MYO3A: variants seen among roughly 807,000 people sequenced by gnomAD.
MYO3A encodes myosin IIIA.
Under a neutral mutation model 192.7 loss-of-function variants are expected in MYO3A, and 180 were observed. The ratio of observed to expected loss-of-function variants is 0.93; its 90% CI spans 0.83 to 1.06. MYO3A has a LOEUF of 1.06. MYO3A is among the 50% of genes least tolerant of loss of function. The pLI is 0.00. For synonymous variants in MYO3A, 628 were observed against 645.3 expected (o/e 0.97, Z 0.41); for missense variants, 1,896 against 1,905.0 (o/e 1.00, Z 0.09).
chr10:26,099,739 C>A (rs1255872628), intron 17 of MYO3A, among the ~76,000 whole-genome samples: 3 of 152,134 alleles, frequency 2.0e-5, no homozygotes, highest in African/African-American at 7.2e-5. Context: ...GTTGAACCAG[C>A]CTTGCATCCC....
rs527563672 is a variant in MYO3A at position 25,954,799 on chromosome 10, G to C, written c.169-75G>C. On this transcript the variant is annotated intron_variant, in intron 3 of 34. Coordinates refer to ENST00000642920, the MANE Select transcript of MYO3A (RefSeq NM_017433.5). ...TTGACATAATGAAATTCTGTATTTG[G>C]TATTCTATAATCTGTTTCTTTGACA... 127 of 1,440,530 alleles carry C rather than the reference G, an allele frequency of 8.8e-5. No individual in the cohort carries two copies. The African/African-American group carries it at 1.7e-3, about 19-fold the overall frequency. The allele number at this position is 1,440,530 out of a possible 1,614,324, so 89.2% of individuals were successfully genotyped here.
chr10:26,033,177 G>A (rs561875754), intron 10 of MYO3A, among the ~76,000 whole-genome samples: 79 of 152,186 alleles, frequency 5.2e-4, no homozygotes, highest in African/African-American at 1.9e-3. Flanking sequence ...GGGTTCCAGC[G>A]ATTCTCCTGC....
At chr10:25,990,315 A>C (rs529193012) in intron 4 of MYO3A, among the ~76,000 whole-genome samples, 4 of 152,092 alleles carry the variant, frequency 2.6e-5, no homozygotes, top group African/African-American at 9.6e-5. Context: ...GTATCCTGAA[A>C]TTTTTTCAAA....
At chr10:26,209,311 T>A (rs1246246000) in intron 34 of MYO3A, among the ~76,000 whole-genome samples, 2 of 152,220 alleles carry the variant, frequency 1.3e-5, no homozygotes, top group African/African-American at 4.8e-5. Flanking sequence ...TGAATGTTTG[T>A]TCTCTTTACG....
At chr10:25,975,635 A>T (rs1031696388) in intron 4 of MYO3A, among the ~76,000 whole-genome samples, 1 of 152,212 alleles carries the variant, frequency 6.6e-6, no homozygotes, top group Non-Finnish European at 1.5e-5. Flanking sequence ...ATTGAGTCTG[A>T]CATTCCACAT....
chr10:26,135,964 C>T (rs1239545715), intron 20 of MYO3A, among the ~76,000 whole-genome samples: 1 of 88,858 alleles, frequency 1.1e-5, no homozygotes, highest in African/African-American at 4.4e-5. Flanking sequence ...AAAACTCCAT[C>T]TCAAAAAAAA....
At chr10:26,139,199 A>G (rs531161883) in intron 20 of MYO3A, among the ~76,000 whole-genome samples, 24 of 152,336 alleles carry the variant, frequency 1.6e-4, no homozygotes, top group African/African-American at 5.8e-4. Context: ...AAATGCAAAT[A>G]CAATAGGCTA....
intron 4 of MYO3A, among the ~76,000 whole-genome samples, chr10:25,957,232 G>A (rs1837611209): frequency 6.6e-6 from 1 of 152,086 alleles, no homozygotes; most frequent in Admixed American, 6.6e-5. Context: ...TGAATCGTGG[G>A]GGCAGGTCTT....
Position 26,070,251 on chromosome 10 carries a change from T to G in MYO3A, c.1275+36T>G, listed in dbSNP as rs3758441. ...TCTCCCATTCTTAGAAATTTACCTC[T>G]TAGTTACTTAAATGTCACTTAATTT... On this transcript the variant is annotated intron_variant, in intron 13 of 34. Transcript: ENST00000642920. The G allele has an allele frequency of 0.52, 834,297 of 1,595,066 alleles. 223,363 individuals are homozygous for G. The highest frequency in any genetic ancestry group is 0.56 in the Middle Eastern group (3,364 of 6,020).
chr10:26,175,930 G>A (rs565194458), intron 30 of MYO3A, among the ~76,000 whole-genome samples: 5 of 152,208 alleles, frequency 3.3e-5, no homozygotes, highest in South Asian at 4.1e-4. Context: ...GCCAGGATGC[G>A]GACACGATAG....
At chr10:25,936,927 G>T (rs975299432) in intron 2 of MYO3A, among the ~76,000 whole-genome samples, 2 of 151,984 alleles carry the variant, frequency 1.3e-5, no homozygotes, top group Non-Finnish European at 2.9e-5. Flanking sequence ...CATTTTTCCT[G>T]ATATCTGAGG....
At chr10:26,036,907 C>G (rs375793845) in intron 10 of MYO3A, among the ~76,000 whole-genome samples, 1 of 152,188 alleles carries the variant, frequency 6.6e-6, no homozygotes, top group Non-Finnish European at 1.5e-5. Flanking sequence ...TTTGAGAAAC[C>G]TTTCCCAGAA....
intron 14 of MYO3A, among the ~76,000 whole-genome samples, chr10:26,084,985 A>C (rs144041497): frequency 1.6e-3 from 249 of 152,154 alleles, no homozygotes; most frequent in African/African-American, 5.9e-3. Context: ...TTTCTGACTC[A>C]ATTTTGGTAG....
intron 2 of MYO3A, among the ~76,000 whole-genome samples, chr10:25,941,972 C>A (rs1239767891): frequency 2.0e-5 from 3 of 150,176 alleles, no homozygotes; most frequent in Middle Eastern, 3.4e-3. Flanking sequence ...AATAATATTT[C>A]TTTTCTTTTC....
At chr10:26,150,390 T>G (rs1305449595) in intron 23 of MYO3A, among the ~76,000 whole-genome samples, 1 of 152,206 alleles carries the variant, frequency 6.6e-6, no homozygotes, top group African/African-American at 2.4e-5. Context: ...TTTTCAGGAA[T>G]AGTAGAATGA....
chr10:25,959,692 A>C (rs1287144404), intron 4 of MYO3A, among the ~76,000 whole-genome samples: 1 of 151,764 alleles, frequency 6.6e-6, no homozygotes. Context: ...TTGGCTCATC[A>C]TGTAGTAATT....
At position 26,029,683 on chromosome 10, in the gene MYO3A, T is replaced by A. The variant is rs563877842; in HGVS notation, c.953+3151T>A. The stretch of plus-strand genomic sequence containing the variant: ...TTTATGTCTGGCTATTCATTTTTTC[T>A]TTTGGGGGAATGTAATTCCGCTTTT... On this transcript the variant is annotated intron_variant, in intron 10 of 34. Transcript: ENST00000642920. Among the ~76,000 whole-genome samples the A allele has an allele frequency of 3.9e-5, 6 of 152,334 alleles. No homozygotes were observed. The South Asian group carries it at 1.2e-3, about 32-fold the overall frequency.
intron 15 of MYO3A, among the ~76,000 whole-genome samples, chr10:26,090,038 C>T (rs964838886): frequency 6.6e-6 from 1 of 152,174 alleles, no homozygotes; most frequent in Admixed American, 6.5e-5. Flanking sequence ...TGTGTCAGTG[C>T]CGTTGCCACC....
intron 4 of MYO3A, among the ~76,000 whole-genome samples, chr10:25,989,414 A>C (rs540104368): frequency 6.6e-6 from 1 of 152,136 alleles, no homozygotes. Context: ...TTGTTTATGC[A>C]GCTAAAAGGG....
Sources: gnomAD v4.1 joint callset for allele counts (sites outside exome capture counted in the v4.1 genomes callset) on GRCh38, gnomAD v4.1.1 for gene constraint, MANE v1.5 for transcripts, NCBI Gene and HGNC (gene_info 2026-07-23, HGNC 2026-07-21) for gene names.